The following ADGRL3 variants were observed in gnomAD, a reference collection of about 807,000 sequenced individuals.
The protein encoded by ADGRL3 is adhesion G protein-coupled receptor L3.
Under a neutral mutation model 153.5 loss-of-function variants are expected in ADGRL3, and 62 were observed. That is an observed-to-expected ratio of 0.40 (90% CI 0.33 to 0.50). The LOEUF (loss-of-function observed/expected upper bound fraction) is 0.50. ADGRL3 is among the 20% of genes least tolerant of loss of function. ADGRL3 has a pLI of 0.47. For missense variants in ADGRL3, 1,641 were observed against 1,859.4 expected, an observed-to-expected ratio of 0.88 and a Z score of 2.16; for synonymous variants, 710 against 672.5, an observed-to-expected ratio of 1.06 and a Z score of -0.86.
At chr4:61,909,438 A>G in intron 11 of ADGRL3, 122 bp from the exon 12 acceptor site, 1 of 647,034 alleles carries the variant, frequency 1.5e-6, no homozygotes. Context: ...GATGAAGATG[A>G]AGTTTAACAA....
chr4:61,478,622 A>G (rs1386385184), intron 2 of ADGRL3, among the ~76,000 whole-genome samples: 1 of 152,066 alleles, frequency 6.6e-6, no homozygotes, highest in Non-Finnish European at 1.5e-5. Context: ...AAATCTGGGC[A>G]ATCCAATATA....
intron 1 of ADGRL3, among the ~76,000 whole-genome samples, chr4:61,295,650 G>A (rs1447827364): frequency 6.6e-6 from 1 of 151,826 alleles, no homozygotes; most frequent in African/African-American, 2.4e-5. Context: ...ATAATACTTA[G>A]GAATTTTTAA....
At chr4:62,023,607 T>C (rs541571530) in intron 21 of ADGRL3, among the ~76,000 whole-genome samples, 217 of 152,248 alleles carry the variant, frequency 1.4e-3, no homozygotes, top group African/African-American at 5.1e-3. Context: ...CCCATAACCC[T>C]TAGCAACTCA....
intron 13 of ADGRL3, among the ~76,000 whole-genome samples, chr4:61,925,765 C>T (rs1168041644): frequency 2.0e-5 from 3 of 152,106 alleles, no homozygotes; most frequent in Non-Finnish European, 2.9e-5. Context: ...CCACCAGGCC[C>T]CACCTCCAAC....
intron 5 of ADGRL3, among the ~76,000 whole-genome samples, chr4:61,646,523 G>T (rs1186545698): frequency 6.6e-6 from 1 of 151,222 alleles, no homozygotes; most frequent in Non-Finnish European, 1.5e-5. Flanking sequence ...CAGGTCTGTT[G>T]GAGTACTGGG....
chr4:61,843,133 G>A (rs2098059066), intron 9 of ADGRL3, among the ~76,000 whole-genome samples: 1 of 152,168 alleles, frequency 6.6e-6, no homozygotes, highest in Admixed American at 6.5e-5. Context: ...AAGAAAGACA[G>A]ACAGAGAGAC....
rs189991369 is a variant in ADGRL3, at chr4:61,471,036, A to G, written c.-173-26085A>G. Reference sequence around the variant, plus strand: ...ATTAGATATTTACCATTATTCAACTAAAAACATCCCTGAACAATGTCTTTT... The same window carrying G: ...ATTAGATATTTACCATTATTCAACTGAAAACATCCCTGAACAATGTCTTTT... On this transcript the variant is annotated intron_variant, in intron 2 of 26. Coordinates refer to ENST00000683033, the MANE Select transcript of ADGRL3 (RefSeq NM_001387552.1). Among the ~76,000 whole-genome samples the G allele has an allele frequency of 2.3e-3, 350 of 152,020 alleles. 7 individuals are homozygous for G. The highest frequency in any genetic ancestry group is 4.4e-4 in the Non-Finnish European group (30 of 67,846).
At chr4:61,828,481 T>G (rs1037733225) in intron 9 of ADGRL3, among the ~76,000 whole-genome samples, 2 of 152,196 alleles carry the variant, frequency 1.3e-5, no homozygotes, top group Non-Finnish European at 2.9e-5. Flanking sequence ...TGTTTTCCCC[T>G]GTTAATACAG....
chr4:61,488,577 C>T (rs538902627), intron 2 of ADGRL3, among the ~76,000 whole-genome samples: 6 of 152,106 alleles, frequency 3.9e-5, no homozygotes, highest in African/African-American at 1.4e-4. Context: ...ACCTGAACTA[C>T]TCTCCCTACT....
intron 21 of ADGRL3, among the ~76,000 whole-genome samples, chr4:62,026,057 C>A (rs1044976981): frequency 2.6e-5 from 4 of 152,020 alleles, no homozygotes; most frequent in African/African-American, 9.7e-5. Flanking sequence ...CTGACATATC[C>A]TAGGTAATCT....
At chr4:61,424,561 C>G (rs1251835099) in intron 2 of ADGRL3, among the ~76,000 whole-genome samples, 2 of 152,194 alleles carry the variant, frequency 1.3e-5, no homozygotes, top group African/African-American at 4.8e-5. Context: ...CTGCTTCAAC[C>G]TCCTGTGCCA....
At chr4:61,607,126 G>A (rs928995391) in intron 5 of ADGRL3, among the ~76,000 whole-genome samples, 8 of 152,114 alleles carry the variant, frequency 5.3e-5, no homozygotes, top group African/African-American at 1.9e-4. Flanking sequence ...TGGTGGGTGG[G>A]GGACTAGGGA....
At chr4:61,663,990 A>C (rs1294500148) in intron 5 of ADGRL3, among the ~76,000 whole-genome samples, 1 of 152,200 alleles carries the variant, frequency 6.6e-6, no homozygotes, top group Non-Finnish European at 1.5e-5. Context: ...TATCATCTTA[A>C]GGCCTATAGC....
At chr4:61,869,587 A>G (rs970988953) in intron 9 of ADGRL3, among the ~76,000 whole-genome samples, 4 of 151,956 alleles carry the variant, frequency 2.6e-5, no homozygotes, top group Non-Finnish European at 4.4e-5. Context: ...CCTGGGCGAC[A>G]GAGCGAGACT....
intron 8 of ADGRL3, among the ~76,000 whole-genome samples, chr4:61,792,942 A>G (rs1458504019): frequency 6.6e-6 from 1 of 151,082 alleles, no homozygotes; most frequent in Non-Finnish European, 1.5e-5. Flanking sequence ...CTATTCTCAC[A>G]CTGCTGATAA....
chr4:61,468,639 T>C (rs1177865589), intron 2 of ADGRL3, among the ~76,000 whole-genome samples: 2 of 152,138 alleles, frequency 1.3e-5, no homozygotes, highest in Non-Finnish European at 2.9e-5. Context: ...ACTGAGAGTC[T>C]TGCCATAGAG....
At chr4:61,742,309 C>T (rs1231377883) in intron 8 of ADGRL3, among the ~76,000 whole-genome samples, 1 of 152,000 alleles carries the variant, frequency 6.6e-6, no homozygotes, top group African/African-American at 2.4e-5. Context: ...GATGGAGTCT[C>T]ACTCTGTTGC....
At chr4:61,452,990 A>G (rs992651196) in intron 2 of ADGRL3, among the ~76,000 whole-genome samples, 9 of 152,006 alleles carry the variant, frequency 5.9e-5, no homozygotes, top group Admixed American at 5.2e-4. Context: ...AGATAATATT[A>G]TTAGAAATCA....
intron 8 of ADGRL3, among the ~76,000 whole-genome samples, chr4:61,801,869 T>C (rs1476423565): frequency 3.9e-5 from 6 of 152,166 alleles, no homozygotes; most frequent in Admixed American, 3.9e-4. Context: ...CTTAATGCTT[T>C]AGTAATTTCA....
Sources: allele counts gnomAD v4.1 joint callset (sites outside exome capture counted in the v4.1 genomes callset), GRCh38; gene constraint gnomAD v4.1.1; transcripts MANE v1.5; gene names NCBI Gene and HGNC (gene_info 2026-07-23, HGNC 2026-07-21).